The following KCNT2 variants were observed in gnomAD, a reference collection of about 807,000 sequenced individuals.
The protein encoded by KCNT2 is potassium channel subfamily T member 2.
A neutral mutation model predicts 153.8 loss-of-function variants in KCNT2; 67 were observed. That is an observed-to-expected ratio of 0.44 (90% CI 0.36 to 0.53). The LOEUF is 0.53. Among genes scored for constraint, KCNT2 ranks in the 20% least tolerant of loss-of-function variants. KCNT2 has a pLI of 0.00. For synonymous variants in KCNT2, 500 were observed against 458.8 expected, an observed-to-expected ratio of 1.09 and a Z score of -1.15; for missense variants, 975 against 1,354.8, an observed-to-expected ratio of 0.72 and a Z score of 4.40.
chr1:196,526,522 C>T (rs1018994740), intron 1 of KCNT2, among the ~76,000 whole-genome samples: 17 of 151,498 alleles, frequency 1.1e-4, no homozygotes, highest in Admixed American at 8.6e-4. Flanking sequence ...GGCACGATCT[C>T]GGCTCACTAC....
At position 196,326,898 on chromosome 1, in the gene KCNT2, G is replaced by C; in HGVS notation, c.2104-9C>G. The C allele has an allele frequency of 6.6e-7, 1 of 1,516,988 alleles. No individual in the cohort carries two copies. 94.0% of individuals were successfully genotyped at this position (1,516,988 alleles called of 1,614,324 possible). A position where few individuals can be genotyped will look rare whatever the true frequency, so the allele number is the denominator to read the frequency against. ...TAGTTATGTTGGCAACTCTAGAGAA[G>C]AGAAAGTATACATTGAAATGCCATT... On this transcript the variant is annotated splice_polypyrimidine_tract_variant and intron_variant, in intron 18 of 27. Coordinates refer to ENST00000294725, the MANE Select transcript of KCNT2 (RefSeq NM_198503.5).
chr1:196,284,248 A>AAAAAAAAAT lies in KCNT2; in HGVS notation c.2697+1408_2697+1409insATTTTTTTT. On this transcript the variant is annotated intron_variant, in intron 23 of 27. Coordinates refer to ENST00000294725, the MANE Select transcript of KCNT2 (RefSeq NM_198503.5). Reference sequence around the variant, plus strand: ...TCTGTCTTAAAAAAAAAAAAAAAAAAATATATATATATATATATATATATA... The same window carrying AAAAAAAAAT: ...TCTGTCTTAAAAAAAAAAAAAAAAAAAAAAAAAATATATATATATATATATATATATATA... 1.2e-3 allele frequency among the ~76,000 whole-genome samples: 12 copies of AAAAAAAAAT among 10,052 alleles called. 1 individual carries two copies. The highest frequency in any genetic ancestry group is 1.6e-3 in the African/African-American group (12 of 7,284). 6.6% of individuals were successfully genotyped at this position (10,052 alleles called of 152,430 possible).
intron 25 of KCNT2, among the ~76,000 whole-genome samples, chr1:196,278,766 T>C (rs1000686465): frequency 6.6e-6 from 1 of 152,220 alleles, no homozygotes; most frequent in Non-Finnish European, 1.5e-5. Flanking sequence ...CACTCTACTG[T>C]ATGAAAGTCT....
intron 13 of KCNT2, among the ~76,000 whole-genome samples, chr1:196,379,551 A>G (rs1398906050): frequency 6.9e-6 from 1 of 145,862 alleles, no homozygotes; most frequent in Non-Finnish European, 1.5e-5. Context: ...CAGCCTAGGT[A>G]ATACAGTGAG....
intron 14 of KCNT2, among the ~76,000 whole-genome samples, chr1:196,351,935 T>A (rs569947835): frequency 2.6e-5 from 4 of 152,242 alleles, no homozygotes; most frequent in African/African-American, 7.2e-5. Flanking sequence ...ATTTTGTCAA[T>A]GGCCTTTTTT....
At chr1:196,305,133 T>C (rs1661510345) in intron 22 of KCNT2, 101 bp downstream of exon 22, 1 of 710,564 alleles carries the variant, frequency 1.4e-6, no homozygotes, top group African/African-American at 1.8e-5. Context: ...AAAACAGCAT[T>C]TTAGTTTTAC....
chr1:196,559,231 AT>A (rs538825986), intron 1 of KCNT2, among the ~76,000 whole-genome samples: 8 of 151,626 alleles, frequency 5.3e-5, no homozygotes, highest in Non-Finnish European at 1.2e-4. Flanking sequence ...ATTAATTTAT[AT>A]TTTTATTTTA....
chr1:196,492,344 G>T lies in KCNT2; in HGVS notation c.96-3C>A. ...TCATATAGAATTCAACTTGTACCCT[G>T]CAAACAGAAAATAAAAACATGTAAA... On this transcript the variant is annotated splice_polypyrimidine_tract_variant and splice_region_variant and intron_variant, in intron 1 of 27. Transcript: ENST00000294725. The T allele has an allele frequency of 7.3e-7, 1 of 1,367,086 alleles. No homozygotes were observed. Among genetic ancestry groups the T allele is most frequent in the Non-Finnish European group, 9.7e-7 (1 of 1,030,020 alleles). The allele number at this position is 1,367,086 out of a possible 1,614,324, so 84.7% of individuals were successfully genotyped here. A position where few individuals can be genotyped will look rare whatever the true frequency, so the allele number is the denominator to read the frequency against.
At chr1:196,423,266 A>G (rs1459479281) in intron 11 of KCNT2, among the ~76,000 whole-genome samples, 153 bp from the exon 12 acceptor site, 3 of 151,892 alleles carry the variant, frequency 2.0e-5, no homozygotes, top group Admixed American at 1.3e-4. Flanking sequence ...AATTTCTAGC[A>G]GATCATGACT....
intron 14 of KCNT2, among the ~76,000 whole-genome samples, 200 bp from the exon 15 acceptor site, chr1:196,342,428 A>ATATATATATATATATG (rs1388963830): frequency 5.8e-5 from 7 of 120,024 alleles, no homozygotes; most frequent in Admixed American, 2.5e-4. Flanking sequence ...TACTATATAT[A>ATATATATATATATATG]TATATATATA....
At chr1:196,505,824 G>A (rs1681089699) in intron 1 of KCNT2, among the ~76,000 whole-genome samples, 1 of 152,148 alleles carries the variant, frequency 6.6e-6, no homozygotes, top group East Asian at 1.9e-4. Flanking sequence ...GGATTCCTAG[G>A]TATTTTATTC....
chr1:196,342,599 T>C (rs1368096193), intron 14 of KCNT2, among the ~76,000 whole-genome samples: 1 of 151,506 alleles, frequency 6.6e-6, no homozygotes, highest in Non-Finnish European at 1.5e-5. Flanking sequence ...ATGTATATCT[T>C]CTAAAATTTG....
chr1:196,456,762 A>T (rs1676707156), intron 8 of KCNT2, among the ~76,000 whole-genome samples: 1 of 152,000 alleles, frequency 6.6e-6, no homozygotes. Flanking sequence ...TCATCTCTGT[A>T]AGCATAATTA....
At chr1:196,442,958 C>T (rs10733085) in intron 8 of KCNT2, among the ~76,000 whole-genome samples, 136,469 of 151,558 alleles carry the variant, frequency 0.9, 63,180 homozygotes, top group East Asian at 1. Context: ...GCCACACATA[C>T]ATATATAGCT....
intron 17 of KCNT2, among the ~76,000 whole-genome samples, chr1:196,332,330 C>T (rs1027628361): frequency 3.9e-5 from 6 of 152,122 alleles, no homozygotes; most frequent in African/African-American, 7.2e-5. Context: ...TTCAGTCGCA[C>T]TCCAAAACAC....
intron 21 of KCNT2, among the ~76,000 whole-genome samples, chr1:196,314,411 C>G (rs1662502852): frequency 6.6e-6 from 1 of 151,504 alleles, no homozygotes; most frequent in South Asian, 2.1e-4. Flanking sequence ...ATTTATATAT[C>G]TGTAATATTT....
chr1:196,604,665 T>C lies in KCNT2; in HGVS notation c.95+3550A>G, dbSNP rs141273908. ...TGCAAATGAGAGAGAAGCAATTATC[T>C]AAGGATGGCGTAAAGATAATACAAA... On this transcript the variant is annotated intron_variant, in intron 1 of 27. Coordinates refer to ENST00000294725, the MANE Select transcript of KCNT2 (RefSeq NM_198503.5). Among the ~76,000 whole-genome samples the C allele has an allele frequency of 5.4e-4, 82 of 152,108 alleles. 1 individual carries two copies. The highest frequency in any genetic ancestry group is 1.9e-3 in the African/African-American group (79 of 41,522).
intron 8 of KCNT2, among the ~76,000 whole-genome samples, chr1:196,449,268 T>C (rs1454306253): frequency 6.6e-6 from 1 of 151,706 alleles, no homozygotes; most frequent in African/African-American, 2.4e-5. Context: ...TCTAATGAGA[T>C]ATTTAGAACA....
At chr1:196,368,370 A>G (rs1668218650) in intron 14 of KCNT2, among the ~76,000 whole-genome samples, 1 of 152,194 alleles carries the variant, frequency 6.6e-6, no homozygotes, top group African/African-American at 2.4e-5. Flanking sequence ...ACAAAAATAG[A>G]TAAATACTTG....
Sources: allele counts gnomAD v4.1 joint callset (sites outside exome capture counted in the v4.1 genomes callset), GRCh38; gene constraint gnomAD v4.1.1; transcripts MANE v1.5; gene names NCBI Gene and HGNC (gene_info 2026-07-23, HGNC 2026-07-21).